The following DYNC2H1 variants were observed in gnomAD, a reference collection of about 807,000 sequenced individuals.
DYNC2H1 encodes the protein cytoplasmic dynein 2 heavy chain 1.
A neutral mutation model predicts 570.0 loss-of-function variants in DYNC2H1; 410 were observed. That is an observed-to-expected ratio of 0.72 (90% CI 0.66 to 0.78). DYNC2H1 has a LOEUF of 0.78. Among genes scored for constraint, DYNC2H1 ranks in the 30% least tolerant of loss-of-function variants. The pLI is 0.00. For missense variants in DYNC2H1, 4,865 were observed against 5,046.4 expected, an observed-to-expected ratio of 0.96 and a Z score of 1.09; for synonymous variants, 1,688 against 1,677.6, an observed-to-expected ratio of 1.01 and a Z score of -0.15.
intron 17 of DYNC2H1, among the ~76,000 whole-genome samples, chr11:103,139,898 C>G (rs1377556729): frequency 6.6e-6 from 1 of 152,090 alleles, no homozygotes; most frequent in African/African-American, 2.4e-5. Flanking sequence ...TCTGGGTGCT[C>G]CTGTATTGAG....
rs546613851 is a variant in DYNC2H1, at chr11:103,123,038, A to G, written c.1661+38A>G. ...ATATTAAACTGTAAAATCCAAAACC[A>G]TATGTTATTAATCCAAATACCCAGA... On this transcript the variant is annotated intron_variant, in intron 11 of 88. Coordinates refer to ENST00000375735, the MANE Select transcript of DYNC2H1 (RefSeq NM_001377.3). The G allele has an allele frequency of 1.9e-5, 24 of 1,278,118 alleles. No individual in the cohort carries two copies. In the South Asian group the frequency reaches 6.1e-4, roughly 32 times the overall value. 79.2% of individuals were successfully genotyped at this position (1,278,118 alleles called of 1,614,324 possible). A position where few individuals can be genotyped will look rare whatever the true frequency, so the allele number is the denominator to read the frequency against.
intron 87 of DYNC2H1, among the ~76,000 whole-genome samples, chr11:103,459,111 C>T (rs1007046163): frequency 6.6e-6 from 1 of 151,002 alleles, no homozygotes; most frequent in African/African-American, 2.4e-5. Flanking sequence ...AGATCGAGAC[C>T]ATCCCGGCTA....
rs1258379009 is a variant in DYNC2H1 at position 103,133,453 on chromosome 11, G to T, written c.1954-102G>T. ...AAAATTATTATGTGCTTTCTTTGTT[G>T]CAGGTCAGAGTTGGGGATAGTTGAA... On this transcript the variant is annotated intron_variant, in intron 13 of 88. Transcript: ENST00000375735. The surrounding 1 kb of genome is among the most constrained non-coding windows in gnomAD (Gnocchi z 4.8). The T allele has an allele frequency of 1.9e-6, 2 of 1,055,848 alleles. No homozygotes were observed. The highest frequency in any genetic ancestry group is 2.7e-6 in the Non-Finnish European group (2 of 739,426). The allele number at this position is 1,055,848 out of a possible 1,614,324, so 65.4% of individuals were successfully genotyped here.
chr11:103,137,129 C>CT (rs1859607244), intron 17 of DYNC2H1, among the ~76,000 whole-genome samples: 1 of 146,802 alleles, frequency 6.8e-6, no homozygotes, highest in Non-Finnish European at 1.5e-5. Context: ...GATATTAGCC[C>CT]TTTGTCAGAT....
rs746033439 is a variant in DYNC2H1 at position 103,120,756 on chromosome 11, G to A, written c.1202G>A (p.Gly401Glu). ...IIAPAEQKIA[G>E]KLKNYISEIQ... ...GCACCTGCGGAACAAAAAATAGCAG[G>A]AAAATTGAAAAATTATATTTCAGAA... The change falls in exon 8 of 89, where the codon GGA becomes GAA. Residue 401 changes from glycine to glutamate, a missense_variant. By Grantham distance (98) the Gly-to-Glu change is moderately conservative. Transcript: ENST00000375735. 3 of 1,590,182 alleles carry A rather than the reference G, an allele frequency of 1.9e-6. No homozygotes were observed. Among genetic ancestry groups the A allele is most frequent in the Non-Finnish European group, 2.6e-6 (3 of 1,167,004 alleles).
chr11:103,467,576 C>T (rs1945232936), intron 87 of DYNC2H1, among the ~76,000 whole-genome samples: 1 of 152,110 alleles, frequency 6.6e-6, no homozygotes, highest in Admixed American at 6.5e-5. Context: ...CTCACTCTGT[C>T]GCCCAGGCTG....
intron 18 of DYNC2H1, 42 bp from the exon 19 acceptor site, chr11:103,147,730 T>A (rs1251185413): frequency 8.3e-7 from 1 of 1,205,930 alleles, no homozygotes; most frequent in South Asian, 1.3e-5. Flanking sequence ...TTCCTCTAAT[T>A]AGTCTTTTCC....
chr11:103,234,125 C>T lies in DYNC2H1; in HGVS notation c.9532C>T (p.Gln3178Ter). The change falls in exon 61 of 89, where the codon CAG (glutamine) becomes TAG (stop). Residue 3178 changes from glutamine to a stop codon, truncating the protein, a stop_gained. Transcript: ENST00000375735. LOFTEE classifies it high-confidence loss of function. ...CAAAGCTGCAGAAGTCTTAATTAAT[C>T]AGCTTGACAGAGAACATAAGAGATG... ...TIKAAEVLINQLDREHKRWNA... is the reference protein window; with the variant it reads ...TIKAAEVLIN 1 of 1,580,308 alleles carries T rather than the reference C, an allele frequency of 6.3e-7. No homozygotes were observed. The highest frequency in any genetic ancestry group is 2.3e-5 in the East Asian group (1 of 43,628).
Position 103,145,182 on chromosome 11 carries a change from T to C in DYNC2H1, c.2702+1787T>C, listed in dbSNP as rs1198397979. On this transcript the variant is annotated intron_variant, in intron 18 of 88. Coordinates refer to ENST00000375735, the MANE Select transcript of DYNC2H1 (RefSeq NM_001377.3). The surrounding 1 kb of genome is among the most constrained non-coding windows in gnomAD (Gnocchi z 4.2). ...AGGCATGAACCACCATGCCCGGCCATAATAATTAATTGAATTATCTTGTTG... is the reference window on the plus strand; with the variant it reads ...AGGCATGAACCACCATGCCCGGCCACAATAATTAATTGAATTATCTTGTTG... 6.6e-6 allele frequency among the ~76,000 whole-genome samples: 1 copy of C among 152,020 alleles called. No homozygotes were observed. The highest frequency in any genetic ancestry group is 1.5e-5 in the Non-Finnish European group (1 of 67,986).
At position 103,461,546 on chromosome 11, in the gene DYNC2H1, C is replaced by T. The variant is rs186819099; in HGVS notation, c.12648+5190C>T. ...AAGCTCCTGTTCAGCCTACATTTTA[C>T]ATCTTCCTCCAAGGCTGAGAGAGGA... is the stretch of plus-strand genomic sequence containing the variant. On this transcript the variant is annotated intron_variant, in intron 87 of 88. Transcript: ENST00000375735. This position sits in a 1 kb window ranked among gnomAD's most constrained non-coding sequence, Gnocchi z 4.8. 1.6e-4 allele frequency among the ~76,000 whole-genome samples: 24 copies of T among 152,300 alleles called. No individual in the cohort carries two copies. In the East Asian group the frequency reaches 4.6e-3, roughly 29 times the overall value.
At chr11:103,418,850 T>G (rs1261985200) in intron 84 of DYNC2H1, among the ~76,000 whole-genome samples, 1 of 152,172 alleles carries the variant, frequency 6.6e-6, no homozygotes. Flanking sequence ...TATCCCCTCA[T>G]GAGCCCACAC....
chr11:103,431,081 A>T (rs1738194379), intron 84 of DYNC2H1, among the ~76,000 whole-genome samples: 1 of 152,090 alleles, frequency 6.6e-6, no homozygotes, highest in Non-Finnish European at 1.5e-5. Context: ...GATTTGAGAG[A>T]GAGTGAGTTA....
chr11:103,332,893 C>G (rs1490408639), intron 82 of DYNC2H1, among the ~76,000 whole-genome samples: 1 of 151,890 alleles, frequency 6.6e-6, no homozygotes, highest in African/African-American at 2.4e-5. Context: ...ATCGCAGCTG[C>G]TCAGGAGGCT....
At chr11:103,378,037 G>A (rs974610848) in intron 83 of DYNC2H1, among the ~76,000 whole-genome samples, 5 of 152,190 alleles carry the variant, frequency 3.3e-5, no homozygotes, top group Non-Finnish European at 7.3e-5. Context: ...ATGCCAGGCT[G>A]AAGGCTGCTT....
chr11:103,283,585 T>C (rs1866230372), intron 73 of DYNC2H1, among the ~76,000 whole-genome samples: 1 of 152,326 alleles, frequency 6.6e-6, no homozygotes, highest in East Asian at 1.9e-4. Context: ...TGGCTTACTA[T>C]GTTCAAGGCA....
intron 84 of DYNC2H1, chr11:103,406,988 A>G (rs1345414510): frequency 6.6e-6 from 1 of 151,848 alleles, no homozygotes. Context: ...TTTATTGTTC[A>G]TTGTCCAGAG....
chr11:103,399,607 T>C, intron 83 of DYNC2H1, 56 bp from the exon 84 acceptor site: 1 of 1,242,574 alleles, frequency 8.0e-7, no homozygotes, highest in South Asian at 1.5e-5. Context: ...CAAAGCGTTT[T>C]ATATATCAGT....
chr11:103,317,726 ATTG>A (rs972538042), intron 80 of DYNC2H1, among the ~76,000 whole-genome samples: 2 of 151,556 alleles, frequency 1.3e-5, no homozygotes, highest in Non-Finnish European at 2.9e-5. Context: ...TCTTCTTCCT[ATTG>A]TTCACTTCTC....
intron 1 of DYNC2H1, among the ~76,000 whole-genome samples, chr11:103,110,868 C>T (rs900282814): frequency 1.3e-5 from 2 of 151,728 alleles, no homozygotes; most frequent in African/African-American, 2.4e-5. Flanking sequence ...TCGTATTACC[C>T]AGGCTGGAGT....
Sources: allele counts gnomAD v4.1 joint callset (sites outside exome capture counted in the v4.1 genomes callset), GRCh38; gene constraint gnomAD v4.1.1; non-coding constraint Gnocchi (gnomAD v3.1); transcripts MANE v1.5; gene names NCBI Gene and HGNC (gene_info 2026-07-23, HGNC 2026-07-21).